Variants in RAPH1 observed in about 807,000 individuals in gnomAD.
The protein encoded by RAPH1 is Ras association (RalGDS/AF-6) and pleckstrin homology domains 1, also known as ras-associated and pleckstrin homology domains-containing protein 1.
A neutral mutation model predicts 88.1 loss-of-function variants in RAPH1; 18 were observed. The ratio of observed to expected loss-of-function variants is 0.20; its 90% CI spans 0.14 to 0.30. RAPH1 has a LOEUF of 0.30. Among genes scored for constraint, RAPH1 ranks in the 10% least tolerant of loss-of-function variants. RAPH1 has a pLI of 1.00. For missense variants in RAPH1, 1,448 were observed against 1,543.2 expected (o/e 0.94, Z 1.03); for synonymous variants, 587 against 559.0 (o/e 1.05, Z -0.71).
At chr2:203,521,181 G>A (rs1689849690) in intron 1 of RAPH1, among the ~76,000 whole-genome samples, 1 of 152,070 alleles carries the variant, frequency 6.6e-6, no homozygotes, top group Non-Finnish European at 1.5e-5. Flanking sequence ...AGCCTCCCGA[G>A]TAGCTGGAAT....
chr2:203,522,668 G>A (rs1164427598), intron 1 of RAPH1, among the ~76,000 whole-genome samples: 8 of 152,194 alleles, frequency 5.3e-5, no homozygotes, highest in Non-Finnish European at 1.0e-4. Context: ...TTGGAAGGCT[G>A]AGGCAGGCGG....
At chr2:203,529,920 T>C (rs955205801) in intron 1 of RAPH1, among the ~76,000 whole-genome samples, 9 of 152,222 alleles carry the variant, frequency 5.9e-5, no homozygotes, top group African/African-American at 2.2e-4. Flanking sequence ...TGCTTCTTTG[T>C]GGTCCCTGCG....
intron 4 of RAPH1, among the ~76,000 whole-genome samples, chr2:203,476,173 T>C (rs1273238647): frequency 7.2e-5 from 11 of 152,178 alleles, no homozygotes; most frequent in Admixed American, 6.5e-4. Context: ...TTGTTTTTGT[T>C]TTTTTAAGTC....
At position 203,516,769 on chromosome 2, in the gene RAPH1, C is replaced by T. The variant is rs576173384; in HGVS notation, c.-1+18342G>A. On this transcript the variant is annotated intron_variant, in intron 1 of 13. Coordinates refer to ENST00000319170, the MANE Select transcript of RAPH1 (RefSeq NM_213589.3). ...AGAAAAAAGGCCAGGCGCAGTGACT[C>T]ATGACTGTAATCCCAGCACTTTGGG... Among the ~76,000 whole-genome samples the T allele has an allele frequency of 2.6e-5, 4 of 151,992 alleles. No individual in the cohort carries two copies. The East Asian group carries it at 5.8e-4, about 22-fold the overall frequency.
rs1490071246 is a variant in RAPH1, at chr2:203,439,528, C to T, written c.3662G>A (p.Ser1221Asn). 5 of 1,614,016 alleles carry T rather than the reference C, an allele frequency of 3.1e-6. No individual in the cohort carries two copies. Among genetic ancestry groups the T allele is most frequent in the Middle Eastern group, 1.6e-4 (1 of 6,084 alleles). The change falls in exon 14 of 14, where the codon AGT becomes AAT. Residue 1221 changes from serine to asparagine, a missense_variant. Around this residue, in one of 2 missense-constraint regions of RAPH1, gnomAD observed 935 missense variants for 890.1 expected, o/e 1.05. Coordinates refer to ENST00000319170, the MANE Select transcript of RAPH1 (RefSeq NM_213589.3). The stretch of plus-strand genomic sequence containing the variant: ...CAACGTTGCATAGCCTGATATATGA[C>T]TGCCTCCGTAACCAGCCTTCTGTTG... ...SDQQKAGYGG[S>N]HISGYATLRR...
At chr2:203,499,553 CT>C (rs1003474326) in intron 1 of RAPH1, among the ~76,000 whole-genome samples, 1 of 151,994 alleles carries the variant, frequency 6.6e-6, no homozygotes, top group African/African-American at 2.4e-5. Context: ...GAAACCCCGT[CT>C]CTACAAAAAT....
chr2:203,441,671 G>T (rs2098504322), intron 13 of RAPH1: 5 of 1,307,942 alleles, frequency 3.8e-6, no homozygotes, highest in Non-Finnish European at 3.9e-6. Context: ...TAGGAAAAAT[G>T]TCCGGCTGCA....
At chr2:203,495,873 A>G (rs1013066630) in intron 1 of RAPH1, among the ~76,000 whole-genome samples, 3 of 152,234 alleles carry the variant, frequency 2.0e-5, no homozygotes, top group Admixed American at 6.5e-5. Flanking sequence ...GTTTCTTTCT[A>G]TTCTACCCTC....
At chr2:203,447,373 T>C (rs977638309) in intron 12 of RAPH1, 2 of 152,350 alleles carry the variant, frequency 1.3e-5, no homozygotes, top group African/African-American at 2.4e-5. Context: ...TATGTGTATA[T>C]ACACATTCTA....
intron 10 of RAPH1, among the ~76,000 whole-genome samples, chr2:203,452,912 A>G (rs958219578): frequency 7.9e-5 from 12 of 152,142 alleles, no homozygotes; most frequent in African/African-American, 2.7e-4. Context: ...CACATCAGCC[A>G]GGGAGACAGA....
chr2:203,503,135 C>A (rs1294912265), intron 1 of RAPH1, among the ~76,000 whole-genome samples: 1 of 152,242 alleles, frequency 6.6e-6, no homozygotes, highest in South Asian at 2.1e-4. Context: ...CAGAGCGAGA[C>A]TCTGTCTCAA....
At chr2:203,476,623 AGCATCCAGATTTG>A (rs1687467615) in intron 4 of RAPH1, among the ~76,000 whole-genome samples, 1 of 152,228 alleles carries the variant, frequency 6.6e-6, no homozygotes, top group African/African-American at 2.4e-5. Context: ...ACACCTCTGA[AGCATCCAGATTTG>A]CCAACCATGG....
At chr2:203,517,359 C>CAAAAAAAAAAAAAAAAAAAAA (rs71408943) in intron 1 of RAPH1, among the ~76,000 whole-genome samples, 6 of 32,152 alleles carry the variant, frequency 1.9e-4, no homozygotes, top group Admixed American at 4.0e-4. Flanking sequence ...CTATGAGAGG[C>CAAAAAAAAAAAAAAAAAAAAA]AAAAAAAAAA....
chr2:203,464,888 A>G (rs1286742611), intron 4 of RAPH1, among the ~76,000 whole-genome samples: 1 of 152,206 alleles, frequency 6.6e-6, no homozygotes, highest in African/African-American at 2.4e-5. Flanking sequence ...ATAAGCATAT[A>G]AAAAGATGTT....
Position 203,439,752 on chromosome 2 carries a change from T to C in RAPH1, c.3438A>G (p.Thr1146=). ...AEISEQPTMA[T]VVPQVPTSPK... ...GAGAGGTGGGCACTTGTGGCACAAC[T>C]GTGGCCATTGTTGGCTGCTCAGAAA... is the stretch of plus-strand genomic sequence containing the variant. The change falls in exon 14 of 14, where the codon ACA becomes ACG. Residue 1146 remains threonine, a synonymous_variant. Transcript: ENST00000319170. 1 of 1,614,136 alleles carries C rather than the reference T, an allele frequency of 6.2e-7. No homozygotes were observed. Among genetic ancestry groups the C allele is most frequent in the Non-Finnish European group, 8.5e-7 (1 of 1,180,022 alleles).
intron 7 of RAPH1, among the ~76,000 whole-genome samples, chr2:203,458,626 C>T (rs1396822361): frequency 6.6e-6 from 1 of 152,176 alleles, no homozygotes; most frequent in East Asian, 1.9e-4. Context: ...GAATTCAATG[C>T]AGTACTCAAG....
At chr2:203,504,844 A>G (rs751456480) in intron 1 of RAPH1, among the ~76,000 whole-genome samples, 7 of 152,048 alleles carry the variant, frequency 4.6e-5, no homozygotes, top group Admixed American at 1.3e-4. Flanking sequence ...ATCTCTCTCA[A>G]TTTCAAAGTT....
intron 4 of RAPH1, among the ~76,000 whole-genome samples, chr2:203,464,942 C>T (rs1162360233): frequency 6.6e-6 from 1 of 152,032 alleles, no homozygotes; most frequent in Non-Finnish European, 1.5e-5. Context: ...AATGAGATAC[C>T]ACTACACACC....
intron 1 of RAPH1, among the ~76,000 whole-genome samples, chr2:203,516,991 G>A (rs891952827): frequency 1.4e-4 from 21 of 150,526 alleles, no homozygotes; most frequent in African/African-American, 2.7e-4. Context: ...CCGACATCGC[G>A]TCACTGCACT....
Sources: allele counts gnomAD v4.1 joint callset (sites outside exome capture counted in the v4.1 genomes callset), GRCh38; gene constraint gnomAD v4.1.1; regional missense constraint gnomAD v4.1.1; transcripts MANE v1.5; gene names NCBI Gene and HGNC (gene_info 2026-07-23, HGNC 2026-07-21).